Variants in TM4SF18 observed in about 807,000 individuals in gnomAD.
The protein encoded by TM4SF18 is transmembrane 4 L six family member 18, also known as transmembrane 4 L6 family member 18.
A neutral mutation model predicts 23.8 loss-of-function variants in TM4SF18; 22 were observed. The ratio of observed to expected loss-of-function variants is 0.92; its 90% confidence interval spans 0.66 to 1.32. The LOEUF (loss-of-function observed/expected upper bound fraction) is 1.32. Among genes scored for constraint, TM4SF18 ranks in the 40% most tolerant of loss-of-function variants. The pLI, the probability that TM4SF18 is intolerant of heterozygous loss-of-function variation, is 0.00. For missense variants in TM4SF18, 255 were observed against 240.3 expected (o/e 1.06, Z -0.41); for synonymous variants, 87 against 87.9 (o/e 0.99, Z 0.06).
intron 3 of TM4SF18, among the ~76,000 whole-genome samples, 179 bp from the exon 4 acceptor site, chr3:149,325,201 G>T (rs1730913670): frequency 6.6e-6 from 1 of 151,864 alleles, no homozygotes; most frequent in Admixed American, 6.6e-5. Context: ...TTAAAAATAA[G>T]CTTTTAAATA....
At chr3:149,326,820 C>T (rs1328261294) in intron 3 of TM4SF18, among the ~76,000 whole-genome samples, 2 of 152,236 alleles carry the variant, frequency 1.3e-5, no homozygotes, top group Non-Finnish European at 2.9e-5. Flanking sequence ...TGTAGGTCAA[C>T]TCCTATGCCC....
At chr3:149,332,258 C>T (rs1320482660) in intron 2 of TM4SF18, among the ~76,000 whole-genome samples, 1 of 152,090 alleles carries the variant, frequency 6.6e-6, no homozygotes, top group African/African-American at 2.4e-5. Flanking sequence ...AATTGCTTTA[C>T]AACACAGCTA....
chr3:149,322,905 CT>C (rs34338382), intron 4 of TM4SF18, among the ~76,000 whole-genome samples: 80,765 of 128,702 alleles, frequency 0.63, 25,908 homozygotes, highest in East Asian at 0.95. Context: ...GGCCTCCAGA[CT>C]TTTTTTTTTT....
At chr3:149,324,845 T>G in intron 4 of TM4SF18, 35 bp downstream of exon 4, 3 of 1,611,820 alleles carry the variant, frequency 1.9e-6, no homozygotes, top group African/African-American at 2.7e-5. Flanking sequence ...GTTTCTGATT[T>G]TCCGACCTCC....
chr3:149,323,023 C>G (rs374643002), intron 4 of TM4SF18, among the ~76,000 whole-genome samples: 9 of 152,000 alleles, frequency 5.9e-5, no homozygotes, highest in African/African-American at 2.2e-4. Flanking sequence ...CTGCCTCAGC[C>G]TCCCAAGTAG....
At chr3:149,328,204 G>A (rs978613490) in intron 3 of TM4SF18, among the ~76,000 whole-genome samples, 1 of 152,106 alleles carries the variant, frequency 6.6e-6, no homozygotes, top group Admixed American at 6.5e-5. Flanking sequence ...CACACTTCTG[G>A]AGGCTGGAAA....
At position 149,330,310 on chromosome 3, in the gene TM4SF18, A is replaced by G; in HGVS notation, c.267+20T>C. 6.3e-7 allele frequency: 1 copy of G among 1,579,144 alleles called. No individual in the cohort carries two copies. The highest frequency in any genetic ancestry group is 1.1e-5 in the South Asian group (1 of 88,482). On this transcript the variant is annotated intron_variant, in intron 3 of 5. Transcript: ENST00000296059. Reference sequence around the variant, plus strand: ...AGCTGGAGCCCACTCAACCATCCTCAAAAAAACTGTTGCTCTTACCACATA... The same window carrying G: ...AGCTGGAGCCCACTCAACCATCCTCGAAAAAACTGTTGCTCTTACCACATA...
intron 3 of TM4SF18, among the ~76,000 whole-genome samples, chr3:149,327,659 A>T (rs748559469): frequency 1.3e-5 from 2 of 152,216 alleles, no homozygotes; most frequent in Non-Finnish European, 2.9e-5. Flanking sequence ...AGAAAAAGTA[A>T]GACCAACAAA....
At chr3:149,326,291 T>G (rs1330009770) in intron 3 of TM4SF18, among the ~76,000 whole-genome samples, 2 of 152,204 alleles carry the variant, frequency 1.3e-5, no homozygotes, top group African/African-American at 2.4e-5. Context: ...ATGTCTCACA[T>G]TCTGGGCTTT....
chr3:149,333,335 C>A lies in TM4SF18; in HGVS notation c.48G>T (p.Pro16=). Residue 16 remains proline, a synonymous_variant, in exon 2 of 6, where the codon CCG becomes CCT. Coordinates refer to ENST00000296059, the MANE Select transcript of TM4SF18 (RefSeq NM_138786.4). ...CGGCLSCLLI[P]LALWSIIVNI... is the part of the protein sequence containing the mutation. ...TCACGATTATACTCCAAAGTGCAAG[C>A]GGAATCAGCAAACAACTTAGGCAGC... The A allele has an allele frequency of 6.2e-7, 1 of 1,613,488 alleles. No homozygotes were observed. The highest frequency in any genetic ancestry group is 8.5e-7 in the Non-Finnish European group (1 of 1,179,760).
At chr3:149,331,272 T>G (rs1731081098) in intron 2 of TM4SF18, among the ~76,000 whole-genome samples, 1 of 152,208 alleles carries the variant, frequency 6.6e-6, no homozygotes, top group Non-Finnish European at 1.5e-5. Flanking sequence ...GTTCATTTAA[T>G]TATTTACCTA....
At chr3:149,330,200 A>G (rs1731058315) in intron 3 of TM4SF18, 130 bp downstream of exon 3, 2 of 436,482 alleles carry the variant, frequency 4.6e-6, no homozygotes, top group South Asian at 2.2e-4. Flanking sequence ...TCTTGGCAGT[A>G]AACTCTTGAT....
At position 149,330,425 on chromosome 3, in the gene TM4SF18, G is replaced by A. The variant is rs1481589057; in HGVS notation, c.178-6C>T. ...ACTGTTGTTACTATAAGCATCTATA[G>A]GAGGGAAGACATAAAATGTTAGCAA... On this transcript the variant is annotated splice_polypyrimidine_tract_variant and splice_region_variant and intron_variant, in intron 2 of 5. Coordinates refer to ENST00000296059, the MANE Select transcript of TM4SF18 (RefSeq NM_138786.4). 1 of 1,556,180 alleles carries A rather than the reference G, an allele frequency of 6.4e-7. No individual in the cohort carries two copies. Among genetic ancestry groups the A allele is most frequent in the Non-Finnish European group, 8.8e-7 (1 of 1,135,224 alleles).
intron 4 of TM4SF18, 124 bp downstream of exon 4, chr3:149,324,755 GA>G: frequency 8.1e-7 from 1 of 1,234,906 alleles, no homozygotes. Flanking sequence ...AACTAACAGG[GA>G]AATTCTGCAC....
chr3:149,323,053 C>A (rs763369852), intron 4 of TM4SF18, among the ~76,000 whole-genome samples: 1 of 152,022 alleles, frequency 6.6e-6, no homozygotes, highest in African/African-American at 2.4e-5. Context: ...CCCGCCACCA[C>A]GCCCGGCTAA....
rs570003701 is a variant in TM4SF18, at chr3:149,321,346, T to C, written c.*132A>G. 1.6e-4 allele frequency: 99 copies of C among 628,942 alleles called. No homozygotes were observed. Among genetic ancestry groups the C allele is most frequent in the African/African-American group, 1.4e-3 (74 of 53,414 alleles). 39.0% of individuals were successfully genotyped at this position (628,942 alleles called of 1,614,324 possible). A position where few individuals can be genotyped will look rare whatever the true frequency, so the allele number is the denominator to read the frequency against. ...GTATACTTGCATGTGCAGTGAGGAC[T>C]GCAAATTTTTTACAAATAAACACCA... On this transcript the variant is annotated 3_prime_UTR_variant, in exon 6 of 6. Transcript: ENST00000296059.
chr3:149,324,858 G>T, intron 4 of TM4SF18, 22 bp downstream of exon 4: 1 of 1,613,444 alleles, frequency 6.2e-7, no homozygotes, highest in Non-Finnish European at 8.5e-7. Context: ...CGACCTCCTT[G>T]GTTTGGGGAA....
chr3:149,331,483 T>TA (rs371552743), intron 2 of TM4SF18, among the ~76,000 whole-genome samples: 184 of 152,302 alleles, frequency 1.2e-3, no homozygotes, highest in African/African-American at 4.2e-3. Context: ...GGTCTAATCT[T>TA]AGTTATGTCT....
In TM4SF18 at chr3:149,319,538, C is replaced by T. The variant is rs1730755918; in HGVS notation, c.*1940G>A. On this transcript the variant is annotated 3_prime_UTR_variant, in exon 6 of 6. Coordinates refer to ENST00000296059, the MANE Select transcript of TM4SF18 (RefSeq NM_138786.4). ...GACTTCATTTGGATCGTTTTAGTTG[C>T]AATAAACAGAGCTGCACTGATTTAG... 6.6e-6 allele frequency: 1 copy of T among 152,210 alleles called. No individual in the cohort carries two copies. Among genetic ancestry groups the T allele is most frequent in the South Asian group, 2.1e-4 (1 of 4,830 alleles). 9.4% of individuals were successfully genotyped at this position (152,210 alleles called of 1,614,324 possible).
Sources: allele counts gnomAD v4.1 joint callset (sites outside exome capture counted in the v4.1 genomes callset), GRCh38; gene constraint gnomAD v4.1.1; transcripts MANE v1.5; gene names NCBI Gene and HGNC (gene_info 2026-07-23, HGNC 2026-07-21).